Variants in CCDC88C observed in about 807,000 individuals in gnomAD.
CCDC88C encodes protein Daple.
A neutral mutation model predicts 198.8 loss-of-function variants in CCDC88C; 131 were observed. The observed-to-expected ratio is 0.66, with a 90% CI of 0.57 to 0.76. The LOEUF (loss-of-function observed/expected upper bound fraction) is 0.76, where lower values mean the gene tolerates loss of function less well. CCDC88C is among the 30% of genes least tolerant of loss of function. CCDC88C has a pLI of 0.00. For missense variants in CCDC88C, 2,553 were observed against 2,631.6 expected, an observed-to-expected ratio of 0.97 and a Z score of 0.65; for synonymous variants, 1,166 against 1,114.7, an observed-to-expected ratio of 1.05 and a Z score of -0.92.
chr14:91,313,917 C>G lies in CCDC88C; in HGVS notation c.1899G>C (p.Leu633=). 1 of 1,612,444 alleles carries G rather than the reference C, an allele frequency of 6.2e-7. No homozygotes were observed. The highest frequency in any genetic ancestry group is 8.5e-7 in the Non-Finnish European group (1 of 1,179,806). The change falls in exon 15 of 30, where the codon CTG becomes CTC. Residue 633 remains leucine (L), a synonymous_variant. Coordinates refer to ENST00000389857, the MANE Select transcript of CCDC88C (RefSeq NM_001080414.4). This position sits in a 1 kb window ranked among gnomAD's most constrained non-coding sequence, Gnocchi z 5.2. ...AKEKGERAEK[L]ERELQRLQEE... is the part of the protein sequence containing the mutation. Reference sequence around the variant, plus strand: ...CCTGGAGTCGCTGTAGCTCCCTCTCCAGCTTCTCTGCCCGCTCCCCCTTCT... The same window carrying G: ...CCTGGAGTCGCTGTAGCTCCCTCTCGAGCTTCTCTGCCCGCTCCCCCTTCT...
chr14:91,408,432 C>T (rs1015721391), intron 3 of CCDC88C: 5 of 495,060 alleles, frequency 1.0e-5, no homozygotes, highest in Non-Finnish European at 1.5e-5. Flanking sequence ...GCATATAGCA[C>T]GATGCTACAC....
At chr14:91,367,445 G>A (rs1484257140) in intron 3 of CCDC88C, among the ~76,000 whole-genome samples, 1 of 152,198 alleles carries the variant, frequency 6.6e-6, no homozygotes, top group Non-Finnish European at 1.5e-5. Flanking sequence ...CGGCTTCGCA[G>A]GTGCACCCAG....
At chr14:91,353,970 GA>G (rs1161421803) in intron 4 of CCDC88C, among the ~76,000 whole-genome samples, 1 of 152,140 alleles carries the variant, frequency 6.6e-6, no homozygotes, top group Non-Finnish European at 1.5e-5. Flanking sequence ...CTCTTGCTTG[GA>G]ACCAGTGGCT....
Position 91,338,598 on chromosome 14 carries a change from T to C in CCDC88C, c.810-28A>G, listed in dbSNP as rs1464708641. The C allele has an allele frequency of 1.3e-6, 2 of 1,520,480 alleles. No individual in the cohort carries two copies. The highest frequency in any genetic ancestry group is 1.7e-4 in the Middle Eastern group (1 of 5,944). 94.2% of individuals were successfully genotyped at this position (1,520,480 alleles called of 1,614,324 possible). A position where few individuals can be genotyped will look rare whatever the true frequency, so the allele number is the denominator to read the frequency against. Reference sequence around the variant, plus strand: ...GCAGAGGCAGTAAGGAGAAAGAGTGTGGGAGGCAGCTTCCTCAACAAGCAG... The same window carrying C: ...GCAGAGGCAGTAAGGAGAAAGAGTGCGGGAGGCAGCTTCCTCAACAAGCAG... On this transcript the variant is annotated intron_variant, in intron 8 of 29. Transcript: ENST00000389857. This position sits in a 1 kb window ranked among gnomAD's most constrained non-coding sequence, Gnocchi z 4.8.
rs563760766 is a variant in CCDC88C, at chr14:91,403,502, C to T, written c.270+5157G>A. 1.0e-3 allele frequency among the ~76,000 whole-genome samples: 153 copies of T among 152,376 alleles called. 5 individuals are homozygous for T. In the South Asian group the frequency reaches 0.031, roughly 31 times the overall value. On this transcript the variant is annotated intron_variant, in intron 3 of 29. Transcript: ENST00000389857. ...AGCACAGACAGGCCAGCCACTGCTGCACAGGGCGGACTTCTGCTGGAACAG... is the reference window on the plus strand; with the variant it reads ...AGCACAGACAGGCCAGCCACTGCTGTACAGGGCGGACTTCTGCTGGAACAG...
intron 3 of CCDC88C, among the ~76,000 whole-genome samples, chr14:91,395,653 C>T (rs1029937581): frequency 1.3e-5 from 2 of 152,248 alleles, no homozygotes; most frequent in East Asian, 3.9e-4. Context: ...ATCCCCCAGC[C>T]GAGAAGGCAA....
chr14:91,357,302 A>C (rs547679096), intron 4 of CCDC88C, among the ~76,000 whole-genome samples: 12 of 152,210 alleles, frequency 7.9e-5, no homozygotes, highest in African/African-American at 9.7e-5. Flanking sequence ...TCCAGGCTGG[A>C]GTGCAGTGGC....
intron 16 of CCDC88C, among the ~76,000 whole-genome samples, chr14:91,309,345 G>A (rs1398519781): frequency 1.3e-5 from 2 of 152,226 alleles, no homozygotes; most frequent in Non-Finnish European, 2.9e-5. Flanking sequence ...GCTCACACCT[G>A]TAATCCCAGC....
At chr14:91,310,769 C>T (rs1427767805) in intron 15 of CCDC88C, among the ~76,000 whole-genome samples, 11 of 152,158 alleles carry the variant, frequency 7.2e-5, no homozygotes, top group Non-Finnish European at 1.5e-4. Flanking sequence ...TTCCTCCACC[C>T]CAGTTTACGT....
rs1193458329 is a variant in CCDC88C, at chr14:91,417,715, G to A, written c.-25C>T. 2 of 1,489,006 alleles carry A rather than the reference G, an allele frequency of 1.3e-6. No individual in the cohort carries two copies. Among genetic ancestry groups the A allele is most frequent in the Non-Finnish European group, 1.8e-6 (2 of 1,121,168 alleles). The allele number at this position is 1,489,006 out of a possible 1,614,324, so 92.2% of individuals were successfully genotyped here. A position where few individuals can be genotyped will look rare whatever the true frequency, so the allele number is the denominator to read the frequency against. ...TGCTGAGGCTGCGCCCGCCGGCTCC[G>A]CGCCCCCCGCCCCGCGTCCCCGTTC... is the stretch of plus-strand genomic sequence containing the variant. On this transcript the variant is annotated 5_prime_UTR_variant, in exon 1 of 30. Transcript: ENST00000389857.
chr14:91,310,733 GT>G (rs1344600098), intron 15 of CCDC88C, among the ~76,000 whole-genome samples: 1 of 152,112 alleles, frequency 6.6e-6, no homozygotes, highest in Admixed American at 6.5e-5. Flanking sequence ...CAAAACATGG[GT>G]GTTGAATGCA....
intron 25 of CCDC88C, chr14:91,285,553 CAGG>C: frequency 1.1e-6 from 1 of 936,890 alleles, no homozygotes; most frequent in African/African-American, 1.7e-5. Flanking sequence ...AAATTGGGGG[CAGG>C]AGGAGGGGTC....
chr14:91,299,857 T>A, intron 21 of CCDC88C, 70 bp downstream of exon 21: 1 of 1,458,446 alleles, frequency 6.9e-7, no homozygotes, highest in South Asian at 1.4e-5. Flanking sequence ...TTCTCAGTGG[T>A]TGCTATGCAA....
chr14:91,388,129 C>T (rs1885257762), intron 3 of CCDC88C, among the ~76,000 whole-genome samples: 1 of 152,240 alleles, frequency 6.6e-6, no homozygotes, highest in African/African-American at 2.4e-5. Context: ...CCCTTAGAGT[C>T]ACCATCAGCC....
chr14:91,316,729 T>C lies in CCDC88C; in HGVS notation c.1528-942A>G, dbSNP rs745420479. 3.9e-5 allele frequency among the ~76,000 whole-genome samples: 6 copies of C among 152,208 alleles called. No individual in the cohort carries two copies. The East Asian group carries it at 1.2e-3, about 29-fold the overall frequency. ...GCCCGGCCAACCCTTGCATTTCTGATTGCTGTTGCTTCTGGTCTAAAGGTG... is the reference window on the plus strand; with the variant it reads ...GCCCGGCCAACCCTTGCATTTCTGACTGCTGTTGCTTCTGGTCTAAAGGTG... On this transcript the variant is annotated intron_variant, in intron 13 of 29. Transcript: ENST00000389857.
At chr14:91,408,836 G>T in intron 2 of CCDC88C, 69 bp from the exon 3 acceptor site, 1 of 1,018,368 alleles carries the variant, frequency 9.8e-7, no homozygotes, top group Non-Finnish European at 1.5e-6. Context: ...TCCCAGCCAC[G>T]ACCCAGCATC....
intron 4 of CCDC88C, among the ~76,000 whole-genome samples, chr14:91,356,202 T>C (rs985104553): frequency 1.7e-4 from 26 of 152,320 alleles, no homozygotes; most frequent in Admixed American, 9.8e-4. Flanking sequence ...CTAGCACTGG[T>C]GTCTGCATCT....
At chr14:91,387,018 G>A (rs1488074914) in intron 3 of CCDC88C, among the ~76,000 whole-genome samples, 1 of 152,186 alleles carries the variant, frequency 6.6e-6, no homozygotes, top group East Asian at 1.9e-4. Flanking sequence ...TTTATCCTCA[G>A]TCTAATCTAA....
intron 1 of CCDC88C, 38 bp downstream of exon 1, chr14:91,417,593 G>T: frequency 6.4e-7 from 1 of 1,561,972 alleles, no homozygotes. Context: ...AGAGAAGCCG[G>T]TGCACCAACA....
Sources: gnomAD v4.1 joint callset for allele counts (sites outside exome capture counted in the v4.1 genomes callset) on GRCh38, gnomAD v4.1.1 for gene constraint, Gnocchi (gnomAD v3.1) non-coding constraint, MANE v1.5 for transcripts, NCBI Gene and HGNC (gene_info 2026-07-23, HGNC 2026-07-21) for gene names.